The following STOX2 variants were observed in gnomAD, a reference collection of about 807,000 sequenced individuals.
STOX2 encodes storkhead box 2, also known as storkhead-box protein 2.
STOX2 carries 28 observed loss-of-function variants against 60.9 expected under a neutral mutation model. That is an observed-to-expected ratio of 0.46 (90% CI 0.34 to 0.63). STOX2 has a LOEUF of 0.63. STOX2 is among the 30% of genes least tolerant of loss of function. STOX2 has a pLI of 0.01. For synonymous variants in STOX2, 472 were observed against 463.9 expected (o/e 1.02, Z -0.22); for missense variants, 1,024 against 1,187.7 (o/e 0.86, Z 2.03).
At chr4:183,946,772 C>T (rs566308854) in intron 1 of STOX2, among the ~76,000 whole-genome samples, 14 of 152,038 alleles carry the variant, frequency 9.2e-5, no homozygotes, top group South Asian at 6.2e-4. Context: ...ATTACAGGTG[C>T]GTGCCACCAC....
intron 1 of STOX2, among the ~76,000 whole-genome samples, chr4:183,934,908 A>G (rs1435438): frequency 0.24 from 35,921 of 152,254 alleles, 7,730 homozygotes; most frequent in African/African-American, 0.57. Flanking sequence ...GGGTATCGCT[A>G]TGAACGCACA....
rs1228763411 is a variant in STOX2, at chr4:183,821,001, G to A, written c.364+22946G>A. Among the ~76,000 whole-genome samples, 2 of 152,096 alleles carry A rather than the reference G, an allele frequency of 1.3e-5. No individual in the cohort carries two copies. Among genetic ancestry groups the A allele is most frequent in the Non-Finnish European group, 2.9e-5 (2 of 68,002 alleles). ...GAACACCTGTAGTCCCAGCTACTCA[G>A]GAGGCTGAGGTGGCAGGGTTGCTTG... On this transcript the variant is annotated intron_variant, in intron 1 of 2. Transcript: ENST00000513034. This position sits in a 1 kb window ranked among gnomAD's most constrained non-coding sequence, Gnocchi z 4.2.
intron 1 of STOX2, among the ~76,000 whole-genome samples, chr4:183,817,410 C>A (rs1332498313): frequency 6.6e-6 from 1 of 152,126 alleles, no homozygotes; most frequent in Non-Finnish European, 1.5e-5. Flanking sequence ...AGTATGGTTG[C>A]CAGACTATGA....
rs547322811 is a variant in STOX2, at chr4:183,892,350, C to T, written c.364+94295C>T. Among the ~76,000 whole-genome samples, 6 of 152,208 alleles carry T rather than the reference C, an allele frequency of 3.9e-5. No homozygotes were observed. The South Asian group carries it at 1.2e-3, about 32-fold the overall frequency. ...CTGGAGTGCAGTGGCGCGATCTCGG[C>T]TCACTGCAAGCTCCGCCTCCCGGGT... is the stretch of plus-strand genomic sequence containing the variant. On this transcript the variant is annotated intron_variant, in intron 1 of 2. Coordinates refer to the STOX2 transcript ENST00000513034.
rs115685936 is a variant in STOX2 at position 184,016,596 on chromosome 4, A to T, written c.2586-493A>T. 9.5e-3 allele frequency among the ~76,000 whole-genome samples: 1,453 copies of T among 152,274 alleles called. 23 individuals carry two copies. The highest frequency in any genetic ancestry group is 0.033 in the African/African-American group (1,378 of 41,552). Reference sequence around the variant, plus strand: ...TTGCGGCAAATGCCCAGGGTCCCCCAAAAAAGGGCATGCTCAAGTCCCCCA... The same window carrying T: ...TTGCGGCAAATGCCCAGGGTCCCCCTAAAAAGGGCATGCTCAAGTCCCCCA... On this transcript the variant is annotated intron_variant, in intron 3 of 3. Coordinates refer to ENST00000308497, the MANE Select transcript of STOX2 (RefSeq NM_020225.3).
chr4:183,986,302 T>C (rs1038273548), intron 1 of STOX2, among the ~76,000 whole-genome samples: 4 of 152,230 alleles, frequency 2.6e-5, no homozygotes, highest in Admixed American at 6.5e-5. Flanking sequence ...TGTTAAAAAG[T>C]GCATCAGTAG....
At chr4:183,813,732 A>C (rs1159340948) in intron 1 of STOX2, among the ~76,000 whole-genome samples, 1 of 152,228 alleles carries the variant, frequency 6.6e-6, no homozygotes, top group African/African-American at 2.4e-5. Flanking sequence ...TAAGTATTAC[A>C]TAAATATCCT....
At position 184,010,098 on chromosome 4, in the gene STOX2, C is replaced by T. The variant is rs769303592; in HGVS notation, c.1260C>T (p.Asn420=). 1 of 1,602,374 alleles carries T rather than the reference C, an allele frequency of 6.2e-7. No individual in the cohort carries two copies. Among genetic ancestry groups the T allele is most frequent in the South Asian group, 1.1e-5 (1 of 89,014 alleles). ...TCATCATTGAACACAAAGGAGATAA[C>T]TTCATCATGCACAGCAACACAAACG... is the stretch of plus-strand genomic sequence containing the variant. ...GCFIIEHKGD[N]FIMHSNTNVL... is the part of the protein sequence containing the mutation. The change falls in exon 3 of 4, where the codon AAC becomes AAT. Residue 420 remains asparagine, a synonymous_variant. Coordinates refer to ENST00000308497, the MANE Select transcript of STOX2 (RefSeq NM_020225.3). This position sits in a 1 kb window ranked among gnomAD's most constrained non-coding sequence, Gnocchi z 4.5.
At chr4:183,902,178 C>T (rs1741477411), upstream of STOX2, among the ~76,000 whole-genome samples, 1 of 152,088 alleles carries the variant, frequency 6.6e-6, no homozygotes, top group Non-Finnish European at 1.5e-5. Context: ...AGAAAATATC[C>T]CTCATCCTTA....
intron 1 of STOX2, among the ~76,000 whole-genome samples, chr4:183,892,963 G>A (rs1357102407): frequency 2.0e-5 from 3 of 152,176 alleles, no homozygotes; most frequent in Non-Finnish European, 2.9e-5. Context: ...CTCTGGAAAA[G>A]TCTGTAGGAG....
At chr4:183,879,232 G>A (rs1466536648) in intron 1 of STOX2, among the ~76,000 whole-genome samples, 2 of 152,178 alleles carry the variant, frequency 1.3e-5, no homozygotes, top group Non-Finnish European at 2.9e-5. Flanking sequence ...CGGGCTCACT[G>A]CCACCCTCTC....
chr4:183,947,338 T>C (rs1332863593), intron 1 of STOX2, among the ~76,000 whole-genome samples: 1 of 152,172 alleles, frequency 6.6e-6, no homozygotes, highest in African/African-American at 2.4e-5. Context: ...GATATGGAGC[T>C]CGCAGAGGGC....
At chr4:183,857,975 G>C (rs1034852363) in intron 1 of STOX2, among the ~76,000 whole-genome samples, 1 of 152,150 alleles carries the variant, frequency 6.6e-6, no homozygotes, top group Non-Finnish European at 1.5e-5. Context: ...TATACCCCAG[G>C]AACTGATCCA....
At chr4:183,820,615 A>G (rs1245007331) in intron 1 of STOX2, among the ~76,000 whole-genome samples, 1 of 152,208 alleles carries the variant, frequency 6.6e-6, no homozygotes, top group Non-Finnish European at 1.5e-5. Context: ...CTGTCTGCTT[A>G]TTTAGACATA....
intron 1 of STOX2, among the ~76,000 whole-genome samples, chr4:183,888,355 T>C (rs1741129508): frequency 6.6e-6 from 1 of 152,222 alleles, no homozygotes; most frequent in Non-Finnish European, 1.5e-5. Context: ...GAGAATTCTA[T>C]TATTTTCCCC....
intron 1 of STOX2, among the ~76,000 whole-genome samples, chr4:183,849,958 T>TA (rs1444926452): frequency 1.3e-5 from 2 of 152,108 alleles, no homozygotes; most frequent in African/African-American, 2.4e-5. Flanking sequence ...TTTTCTTTTC[T>TA]TTTTCTTTCT....
At position 183,856,219 on chromosome 4, in the gene STOX2, C is replaced by T. The variant is rs887016582; in HGVS notation, c.364+58164C>T. 6.6e-6 allele frequency among the ~76,000 whole-genome samples: 1 copy of T among 152,100 alleles called. No individual in the cohort carries two copies. Among genetic ancestry groups the T allele is most frequent in the Admixed American group, 6.5e-5 (1 of 15,270 alleles). On this transcript the variant is annotated intron_variant, in intron 1 of 2. Transcript: ENST00000513034. This position sits in a 1 kb window ranked among gnomAD's most constrained non-coding sequence, Gnocchi z 4.0. ...ATTTATCAGATAGGACCCAAGAGTC[C>T]AGAAAGGCTCACGGCCCCTTTCACA... is the stretch of plus-strand genomic sequence containing the variant.
intron 1 of STOX2, among the ~76,000 whole-genome samples, chr4:183,874,943 AAAAAAAAAAATATATATATATAT>A (rs1740782578): frequency 1.1e-5 from 1 of 91,972 alleles, no homozygotes; most frequent in Non-Finnish European, 2.1e-5. Context: ...AAAAAAAAAA[AAAAAAAAAAATATATATATATAT>A]ATATATATAT....
chr4:183,948,218 CAAAAAAA>C (rs760286920), intron 1 of STOX2, among the ~76,000 whole-genome samples: 3 of 29,874 alleles, frequency 1.0e-4, no homozygotes, highest in Non-Finnish European at 1.6e-4. Flanking sequence ...AACTCCATCT[CAAAAAAA>C]AAAAAAAAAA....
Sources: allele counts gnomAD v4.1 joint callset (sites outside exome capture counted in the v4.1 genomes callset), GRCh38; gene constraint gnomAD v4.1.1; non-coding constraint Gnocchi (gnomAD v3.1); transcripts MANE v1.5; gene names NCBI Gene and HGNC (gene_info 2026-07-23, HGNC 2026-07-21).